The following C6orf141 variants were observed in gnomAD, a reference collection of about 807,000 sequenced individuals.
The protein encoded by C6orf141 is chromosome 6 open reading frame 141, also known as uncharacterized protein C6orf141.
For missense variants in C6orf141, 361 were observed against 335.8 expected (o/e 1.07, Z -0.59); for synonymous variants, 164 against 140.5 (o/e 1.17, Z -1.18).
At chr6:49,559,303 T>G (rs1484551094) in intron 4 of C6orf141, among the ~76,000 whole-genome samples, 1 of 148,670 alleles carries the variant, frequency 6.7e-6, no homozygotes, top group Non-Finnish European at 1.5e-5. Context: ...GTCATAAAAT[T>G]CTGGAAGATT....
Position 49,550,716 on chromosome 6 carries a change from C to T in C6orf141, c.-77C>T, listed in dbSNP as rs563333530. 43 of 1,283,078 alleles carry T rather than the reference C, an allele frequency of 3.4e-5. No individual in the cohort carries two copies. The African/African-American group carries it at 6.6e-4, about 20-fold the overall frequency. 79.5% of individuals were successfully genotyped at this position (1,283,078 alleles called of 1,614,324 possible). A position where few individuals can be genotyped will look rare whatever the true frequency, so the allele number is the denominator to read the frequency against. On this transcript the variant is annotated 5_prime_UTR_variant, in exon 1 of 1. Coordinates refer to ENST00000529246, the MANE Select transcript of C6orf141 (RefSeq NM_001145652.2). Reference sequence around the variant, plus strand: ...GAGTCCGGAGCTGCAGCAGAGGCCACACCCAGGGCTTGGTGGTCCCGCGCT... The same window carrying T: ...GAGTCCGGAGCTGCAGCAGAGGCCATACCCAGGGCTTGGTGGTCCCGCGCT...
chr6:49,552,567 G>C (rs1204480736), downstream of C6orf141: 1 of 152,268 alleles, frequency 6.6e-6, no homozygotes, highest in East Asian at 1.9e-4. Flanking sequence ...AATTAACAAA[G>C]CAGGTAGGAC....
rs1770299125 is a variant in C6orf141 at position 49,550,924 on chromosome 6, G to C, written c.132G>C (p.Pro44=). The C allele has an allele frequency of 1.3e-6, 2 of 1,542,498 alleles. No homozygotes were observed. Among genetic ancestry groups the C allele is most frequent in the African/African-American group, 1.4e-5 (1 of 72,440 alleles). Residue 44 remains proline, a synonymous_variant, in exon 1 of 1, where the codon CCG becomes CCC. Coordinates refer to ENST00000529246, the MANE Select transcript of C6orf141 (RefSeq NM_001145652.2). The part of the protein sequence containing the change: ...REVGRGAPLA[P]GARNPATAGA... ...TAGGGCGCGGGGCTCCGCTAGCTCC[G>C]GGCGCCCGGAATCCCGCGACGGCAG...
chr6:49,558,330 G>A (rs572492766), intron 4 of C6orf141, among the ~76,000 whole-genome samples: 2 of 151,824 alleles, frequency 1.3e-5, no homozygotes, highest in East Asian at 3.9e-4. Context: ...GGCATGGGGG[G>A]AGCTGGAGGC....
rs536392892 is a variant in C6orf141, at chr6:49,550,904, C to A, written c.112C>A (p.Arg38Ser). The part of the protein sequence containing the change: ...DLGPFPREVG[R>S]GAPLAPGARN... Reference sequence around the variant, plus strand: ...CGGGCCTTTTCCGCGGGAGGTAGGGCGCGGGGCTCCGCTAGCTCCGGGCGC... The same window carrying A: ...CGGGCCTTTTCCGCGGGAGGTAGGGAGCGGGGCTCCGCTAGCTCCGGGCGC... Residue 38 changes from arginine to serine, a missense_variant, in exon 1 of 1, where the codon CGC becomes AGC. Physicochemically the swap from Arg to Ser is moderately radical, Grantham distance 110 (BLOSUM62 -1). Transcript: ENST00000529246. The A allele has an allele frequency of 1.5e-4, 223 of 1,531,454 alleles. 1 individual carries two copies. The African/African-American group carries it at 2.8e-3, about 19-fold the overall frequency. 94.9% of individuals were successfully genotyped at this position (1,531,454 alleles called of 1,614,324 possible). A position where few individuals can be genotyped will look rare whatever the true frequency, so the allele number is the denominator to read the frequency against.
intron 4 of C6orf141, among the ~76,000 whole-genome samples, chr6:49,557,334 G>A (rs1312580171): frequency 6.6e-6 from 1 of 152,126 alleles, no homozygotes; most frequent in African/African-American, 2.4e-5. Flanking sequence ...AGAACAAACA[G>A]AGGCTGTGTT....
At chr6:49,553,935 A>G (rs1771217135), downstream of C6orf141, among the ~76,000 whole-genome samples, 1 of 152,222 alleles carries the variant, frequency 6.6e-6, no homozygotes, top group African/African-American at 2.4e-5. Context: ...TTTGTTTAGT[A>G]ACAAAAAGCA....
chr6:49,558,805 C>T (rs1318393707), intron 4 of C6orf141, among the ~76,000 whole-genome samples: 1 of 151,678 alleles, frequency 6.6e-6, no homozygotes, highest in Admixed American at 6.6e-5. Context: ...CCTCCTGGGT[C>T]CACGTGATTC....
At chr6:49,554,380 T>C (rs1771331122), downstream of C6orf141, among the ~76,000 whole-genome samples, 1 of 152,160 alleles carries the variant, frequency 6.6e-6, no homozygotes, top group African/African-American at 2.4e-5. Context: ...TATGTTTGAG[T>C]TAATTTTGTT....
At chr6:49,552,951 G>A (rs1283628471), downstream of C6orf141, 1 of 151,984 alleles carries the variant, frequency 6.6e-6, no homozygotes, top group Non-Finnish European at 1.5e-5. Flanking sequence ...TTTTTTTTGA[G>A]ACAGAGTTTC....
In C6orf141 at chr6:49,550,881, G is replaced by A. The variant is rs765351045; in HGVS notation, c.89G>A (p.Gly30Glu). Residue 30 changes from glycine (G) to glutamate (E), a missense_variant, in exon 1 of 1, where the codon GGG becomes GAG. Physicochemically the swap from Gly to Glu is moderately conservative, Grantham distance 98. Coordinates refer to ENST00000529246, the MANE Select transcript of C6orf141 (RefSeq NM_001145652.2). ...MDSSRSLGDL[G>E]PFPREVGRGA... ...TCCTCCCGCAGCCTGGGGGACCTCG[G>A]GCCTTTTCCGCGGGAGGTAGGGCGC... 1 of 1,519,966 alleles carries A rather than the reference G, an allele frequency of 6.6e-7. No homozygotes were observed. Among genetic ancestry groups the A allele is most frequent in the Non-Finnish European group, 8.8e-7 (1 of 1,136,350 alleles). 94.2% of individuals were successfully genotyped at this position (1,519,966 alleles called of 1,614,324 possible).
At chr6:49,561,244 C>T (rs543504207) in intron 4 of C6orf141, among the ~76,000 whole-genome samples, 8 of 152,188 alleles carry the variant, frequency 5.3e-5, no homozygotes, top group Admixed American at 2.0e-4. Context: ...ATTACGGGTG[C>T]GTGCAGCCAA....
At chr6:49,557,538 G>T (rs1239877022) in intron 4 of C6orf141, among the ~76,000 whole-genome samples, 1 of 152,156 alleles carries the variant, frequency 6.6e-6, no homozygotes, top group African/African-American at 2.4e-5. Flanking sequence ...TACTTTAGAA[G>T]ACTTTGAATG....
chr6:49,556,552 A>C (rs188902605), downstream of C6orf141, among the ~76,000 whole-genome samples: 10 of 152,292 alleles, frequency 6.6e-5, no homozygotes, highest in African/African-American at 2.4e-4. Context: ...ATTATAAAAA[A>C]CTCCTGTAAA....
In C6orf141 at chr6:49,550,807, T is replaced by A; in HGVS notation, c.15T>A (p.Phe5Leu). The A allele has an allele frequency of 6.8e-7, 1 of 1,464,256 alleles. No homozygotes were observed. Among genetic ancestry groups the A allele is most frequent in the East Asian group, 2.5e-5 (1 of 39,990 alleles). 90.7% of individuals were successfully genotyped at this position (1,464,256 alleles called of 1,614,324 possible). A position where few individuals can be genotyped will look rare whatever the true frequency, so the allele number is the denominator to read the frequency against. The change falls in exon 1 of 1, where the codon TTT (phenylalanine) becomes TTA (leucine). Residue 5 changes from phenylalanine (F) to leucine (L), a missense_variant. By Grantham distance (22) the Phe-to-Leu change is conservative (BLOSUM62 0). Transcript: ENST00000529246. MNDP[F>L]ARMETRGPQG... The stretch of plus-strand genomic sequence containing the variant: ...AGAAGGAACGAATGAATGACCCTTT[T>A]GCCAGGATGGAGACCCGGGGGCCTC...
intron 4 of C6orf141, among the ~76,000 whole-genome samples, chr6:49,559,212 A>G (rs1772763048): frequency 1.6e-5 from 1 of 63,210 alleles, no homozygotes; most frequent in Non-Finnish European, 2.9e-5. Context: ...ATATATATAT[A>G]TATATATATA....
intron 4 of C6orf141, chr6:49,560,475 T>C (rs1773089477): frequency 6.6e-6 from 1 of 152,152 alleles, no homozygotes; most frequent in African/African-American, 2.4e-5. Flanking sequence ...GCATCATCAT[T>C]AGAGATTTTA....
chr6:49,553,072 C>G (rs1308404915), downstream of C6orf141: 1 of 152,290 alleles, frequency 6.6e-6, no homozygotes, highest in Non-Finnish European at 1.5e-5. Context: ...GCTGGGATTA[C>G]AGGCATGTGC....
Position 49,550,827 on chromosome 6 carries a change from G to C in C6orf141, c.35G>C (p.Gly12Ala). 6.8e-7 allele frequency: 1 copy of C among 1,475,674 alleles called. No homozygotes were observed. Among genetic ancestry groups the C allele is most frequent in the South Asian group, 1.4e-5 (1 of 71,038 alleles). The allele number at this position is 1,475,674 out of a possible 1,614,324, so 91.4% of individuals were successfully genotyped here. ...NDPFARMETR[G>A]PQGAANPMDS... is the part of the protein sequence containing the mutation. Reference sequence around the variant, plus strand: ...CCTTTTGCCAGGATGGAGACCCGGGGGCCTCAGGGAGCTGCGAATCCCATG... The same window carrying C: ...CCTTTTGCCAGGATGGAGACCCGGGCGCCTCAGGGAGCTGCGAATCCCATG... Residue 12 changes from glycine (G) to alanine (A), a missense_variant, in exon 1 of 1, where the codon GGG becomes GCG. Coordinates refer to ENST00000529246, the MANE Select transcript of C6orf141 (RefSeq NM_001145652.2).
Sources: gnomAD v4.1 joint callset for allele counts (sites outside exome capture counted in the v4.1 genomes callset) on GRCh38, gnomAD v4.1.1 for gene constraint, MANE v1.5 for transcripts, NCBI Gene and HGNC (gene_info 2026-07-23, HGNC 2026-07-21) for gene names.